RASEF: variants seen among roughly 807,000 people sequenced by gnomAD.
RASEF encodes the protein ras and EF-hand domain-containing protein.
RASEF carries 68 observed loss-of-function variants against 90.1 expected under a neutral mutation model. That is an observed-to-expected ratio of 0.75 (90% confidence interval 0.62 to 0.92). The LOEUF (loss-of-function observed/expected upper bound fraction) is 0.92, where lower values mean the gene tolerates loss of function less well. RASEF is among the 40% of genes least tolerant of loss of function. The pLI is 0.00. For synonymous variants in RASEF, 331 were observed against 345.2 expected (o/e 0.96, Z 0.46); for missense variants, 949 against 937.2 (o/e 1.01, Z -0.16).
the RASEF span, among the ~76,000 whole-genome samples, chr9:83,069,105 CTTCAGCATAAATAAACTTGAGCG>C: frequency 6.6e-6 from 1 of 152,136 alleles, no homozygotes; most frequent in African/African-American, 2.4e-5. Flanking sequence ...ACTTAAGTTT[CTTCAGCATAAATAAACTTGAGCG>C]TTTCGACCAC....
chr9:83,075,127 G>A, the RASEF span, among the ~76,000 whole-genome samples: 7 of 152,014 alleles, frequency 4.6e-5, no homozygotes, highest in African/African-American at 9.7e-5. Flanking sequence ...GTATTGGTAG[G>A]CCTCTTTTTA....
At chr9:83,060,552 T>C (rs1830185079) in intron 1 of RASEF, among the ~76,000 whole-genome samples, 1 of 152,222 alleles carries the variant, frequency 6.6e-6, no homozygotes, top group Admixed American at 6.5e-5. Flanking sequence ...CAATTGGTAA[T>C]GCTTATGGAA....
the RASEF span, among the ~76,000 whole-genome samples, chr9:83,123,752 A>C: frequency 6.6e-6 from 1 of 152,220 alleles, no homozygotes; most frequent in African/African-American, 2.4e-5. Context: ...TCAGGCTTCC[A>C]CACTATTAAC....
the RASEF span, among the ~76,000 whole-genome samples, chr9:83,134,410 GCACACA>G: frequency 1.1e-3 from 148 of 139,130 alleles, 1 homozygote; most frequent in African/African-American, 2.5e-3. Flanking sequence ...TCACAATAGC[GCACACA>G]CACACACACA....
intron 1 of RASEF, among the ~76,000 whole-genome samples, chr9:83,037,436 C>T (rs1564085020): frequency 1.3e-5 from 2 of 151,694 alleles, no homozygotes; most frequent in South Asian, 4.1e-4. Flanking sequence ...TTATTACGAA[C>T]GCTATTACAA....
At chr9:83,190,034 C>T in the RASEF span, among the ~76,000 whole-genome samples, 1 of 152,180 alleles carries the variant, frequency 6.6e-6, no homozygotes, top group Non-Finnish European at 1.5e-5. Flanking sequence ...GCCCACTTCG[C>T]TTCCCTCCCC....
intron 13 of RASEF, among the ~76,000 whole-genome samples, chr9:82,997,376 A>G (rs1316923979): frequency 6.6e-6 from 1 of 152,206 alleles, no homozygotes; most frequent in Non-Finnish European, 1.5e-5. Flanking sequence ...AATGTCTACA[A>G]TCCCCAGAGC....
intron 1 of RASEF, among the ~76,000 whole-genome samples, chr9:83,030,057 G>C (rs1829617240): frequency 6.6e-6 from 1 of 152,206 alleles, no homozygotes. Context: ...CTGCCTGTCA[G>C]GGTGTCATTA....
At chr9:83,126,424 G>A in the RASEF span, among the ~76,000 whole-genome samples, 1 of 152,132 alleles carries the variant, frequency 6.6e-6, no homozygotes, top group Non-Finnish European at 1.5e-5. Context: ...TTAGAAATAA[G>A]TTTTTGCTTT....
intron 1 of RASEF, 77 bp downstream of exon 1, chr9:83,062,360 T>A: frequency 6.9e-7 from 1 of 1,455,160 alleles, no homozygotes; most frequent in Non-Finnish European, 9.5e-7. Flanking sequence ...CCATTGGGTC[T>A]GCACACCTGC....
intron 12 of RASEF, among the ~76,000 whole-genome samples, chr9:82,999,609 T>TC (rs1385871960): frequency 2.9e-5 from 4 of 137,840 alleles, no homozygotes. Flanking sequence ...GATATCTCTC[T>TC]TTTTTTTTTT....
intron 1 of RASEF, among the ~76,000 whole-genome samples, chr9:83,031,296 G>T (rs1240982359): frequency 6.6e-6 from 1 of 152,052 alleles, no homozygotes; most frequent in Non-Finnish European, 1.5e-5. Flanking sequence ...ATTTATGAGC[G>T]GGTAAGTCTT....
At chr9:83,121,253 G>A in the RASEF span, among the ~76,000 whole-genome samples, 5 of 152,048 alleles carry the variant, frequency 3.3e-5, no homozygotes, top group South Asian at 2.1e-4. Context: ...TAATACACAC[G>A]TAAGTATATC....
the RASEF span, among the ~76,000 whole-genome samples, chr9:83,196,309 G>C: frequency 6.6e-6 from 1 of 152,132 alleles, no homozygotes; most frequent in Non-Finnish European, 1.5e-5. Context: ...TCCACCCTTT[G>C]TTGAGTGGCT....
intron 1 of RASEF, chr9:83,055,611 C>T (rs1367037804): frequency 1.4e-6 from 1 of 717,948 alleles, no homozygotes; most frequent in African/African-American, 1.7e-5. Context: ...CCTTTTTAGC[C>T]CATGACAATG....
chr9:83,085,734 G>A, the RASEF span, among the ~76,000 whole-genome samples: 1 of 152,042 alleles, frequency 6.6e-6, no homozygotes, highest in Non-Finnish European at 1.5e-5. Context: ...AGACCAGCCT[G>A]ACCAATATAG....
the RASEF span, among the ~76,000 whole-genome samples, chr9:83,210,203 T>C: frequency 1.3e-5 from 2 of 152,230 alleles, no homozygotes; most frequent in Non-Finnish European, 2.9e-5. Context: ...AGCTCCATAT[T>C]TGCAAGGAAA....
chr9:83,096,052 T>C, the RASEF span, among the ~76,000 whole-genome samples: 1 of 152,132 alleles, frequency 6.6e-6, no homozygotes. Context: ...TAGAGGCTTT[T>C]CACAAGTGGT....
the RASEF span, among the ~76,000 whole-genome samples, chr9:83,186,853 TA>T: frequency 6.5e-4 from 99 of 151,708 alleles, no homozygotes; most frequent in African/African-American, 2.2e-3. Context: ...TTTGACATCT[TA>T]AAAAAAAATT....
Sources: allele counts gnomAD v4.1 joint callset (sites outside exome capture counted in the v4.1 genomes callset), GRCh38; gene constraint gnomAD v4.1.1; transcripts MANE v1.5; gene names NCBI Gene and HGNC (gene_info 2026-07-23, HGNC 2026-07-21).